Variants in FRAS1 observed in about 807,000 individuals in gnomAD.
The protein encoded by FRAS1 is Fraser extracellular matrix complex subunit 1.
In FRAS1, 290 loss-of-function variants were observed where a neutral mutation model predicts 435.2. The ratio of observed to expected loss-of-function variants is 0.67; its 90% CI spans 0.61 to 0.73. The LOEUF (loss-of-function observed/expected upper bound fraction) is 0.73. Ranked by LOEUF, FRAS1 falls within the 30% of genes least tolerant of loss-of-function variation. FRAS1 has a pLI of 0.00. For missense variants in FRAS1, 4,860 were observed against 5,001.5 expected (o/e 0.97, Z 0.85); for synonymous variants, 1,800 against 1,851.0 (o/e 0.97, Z 0.71).
intron 2 of FRAS1, among the ~76,000 whole-genome samples, chr4:78,200,364 A>T (rs1722998592): frequency 6.6e-6 from 1 of 152,224 alleles, no homozygotes; most frequent in African/African-American, 2.4e-5. Context: ...TAACACATGC[A>T]TGATATGGAG....
At chr4:78,380,122 A>C in intron 27 of FRAS1, 126 bp downstream of exon 27, 1 of 1,016,432 alleles carries the variant, frequency 9.8e-7, no homozygotes. Flanking sequence ...TCAATACTCC[A>C]CAAGCCCAAA....
At chr4:78,245,702 G>T (rs1296557445) in intron 4 of FRAS1, among the ~76,000 whole-genome samples, 1 of 152,134 alleles carries the variant, frequency 6.6e-6, no homozygotes, top group African/African-American at 2.4e-5. Flanking sequence ...AAATTTAATT[G>T]CAAAGAGCTT....
chr4:78,129,231 G>A (rs944377436), intron 2 of FRAS1, among the ~76,000 whole-genome samples: 4 of 152,114 alleles, frequency 2.6e-5, no homozygotes, highest in South Asian at 4.1e-4. Context: ...TTGACTTGGC[G>A]ATGTGGGCTC....
intron 30 of FRAS1, among the ~76,000 whole-genome samples, chr4:78,405,960 A>G (rs2110351019): frequency 6.6e-6 from 1 of 152,360 alleles, no homozygotes; most frequent in South Asian, 2.1e-4. Context: ...AGAAGATAGT[A>G]GGTGAAGGTC....
At chr4:78,084,250 A>G (rs549292392) in intron 2 of FRAS1, among the ~76,000 whole-genome samples, 1 of 152,236 alleles carries the variant, frequency 6.6e-6, no homozygotes, top group East Asian at 1.9e-4. Flanking sequence ...ATTCTATTTT[A>G]CTATGAGTTA....
intron 2 of FRAS1, among the ~76,000 whole-genome samples, chr4:78,116,107 C>G (rs1743152722): frequency 6.6e-6 from 1 of 152,158 alleles, no homozygotes; most frequent in Non-Finnish European, 1.5e-5. Flanking sequence ...CATTCAGGAG[C>G]AGGTTATTCA....
At chr4:78,380,770 G>T (rs116272397) in intron 27 of FRAS1, among the ~76,000 whole-genome samples, 16 of 152,328 alleles carry the variant, frequency 1.1e-4, no homozygotes, top group Non-Finnish European at 1.8e-4. Flanking sequence ...GACACAGTGA[G>T]TATTTTTACT....
chr4:78,478,719 T>G (rs1719924554), intron 55 of FRAS1, among the ~76,000 whole-genome samples: 1 of 152,334 alleles, frequency 6.6e-6, no homozygotes, highest in South Asian at 2.1e-4. Context: ...ATGATGATTT[T>G]GGGTTTCTTT....
At chr4:78,276,691 G>A (rs1727058245) in intron 9 of FRAS1, among the ~76,000 whole-genome samples, 1 of 152,164 alleles carries the variant, frequency 6.6e-6, no homozygotes, top group South Asian at 2.1e-4. Flanking sequence ...GTCTCAGAGG[G>A]GCACCCGGCC....
intron 2 of FRAS1, among the ~76,000 whole-genome samples, chr4:78,134,055 G>GT (rs1287695030): frequency 2.6e-5 from 4 of 151,486 alleles, no homozygotes; most frequent in Non-Finnish European, 4.4e-5. Context: ...CACCTCCCGG[G>GT]TCATGCCATT....
In FRAS1 at chr4:78,540,860, T is replaced by C; in HGVS notation, c.11775T>C (p.Phe3925=). The C allele has an allele frequency of 6.2e-7, 1 of 1,613,982 alleles. No homozygotes were observed. The highest frequency in any genetic ancestry group is 8.5e-7 in the Non-Finnish European group (1 of 1,179,898). The part of the protein sequence containing the change: ...LLLLVFLVAC[F]INRKCQKQRK... ...TTCTGGTGTTTTTGGTGGCTTGTTT[T>C]ATCAACAGGAAATGCCAGAAACAGA... Residue 3925 remains phenylalanine (F), a synonymous_variant, in exon 74 of 74, where the codon TTT becomes TTC. Transcript: ENST00000512123.
At chr4:78,296,210 A>G (rs1012066188) in intron 14 of FRAS1, among the ~76,000 whole-genome samples, 4 of 151,350 alleles carry the variant, frequency 2.6e-5, no homozygotes, top group East Asian at 1.9e-4. Context: ...TTTGGTTTGC[A>G]TATCTCCAGC....
intron 5 of FRAS1, among the ~76,000 whole-genome samples, chr4:78,254,692 A>G (rs1166803296): frequency 6.6e-6 from 1 of 152,214 alleles, no homozygotes; most frequent in Non-Finnish European, 1.5e-5. Context: ...GGCCAACAAC[A>G]TAATTTGCAA....
At chr4:78,074,071 C>T (rs1740505904) in intron 2 of FRAS1, among the ~76,000 whole-genome samples, 3 of 147,774 alleles carry the variant, frequency 2.0e-5, no homozygotes, top group Non-Finnish European at 4.4e-5. Context: ...GAGTTTGGGT[C>T]GTGACCTGTG....
At chr4:78,423,899 G>A (rs928646915) in intron 34 of FRAS1, among the ~76,000 whole-genome samples, 5 of 152,162 alleles carry the variant, frequency 3.3e-5, no homozygotes, top group Admixed American at 6.5e-5. Flanking sequence ...AAACTCGCCC[G>A]AGTTCCTAGA....
At chr4:78,219,799 G>GT (rs1318688355) in intron 2 of FRAS1, among the ~76,000 whole-genome samples, 2 of 152,182 alleles carry the variant, frequency 1.3e-5, no homozygotes, top group East Asian at 1.9e-4. Flanking sequence ...TTTCATGAAG[G>GT]TTTTTTTCAT....
At chr4:78,489,963 G>GAAAAAAAA (rs1553891063) in intron 59 of FRAS1, among the ~76,000 whole-genome samples, 15 of 6,032 alleles carry the variant, frequency 2.5e-3, no homozygotes, top group East Asian at 9.3e-3. Context: ...AAAGCTAGTG[G>GAAAAAAAA]AAAACAAAAA....
intron 20 of FRAS1, among the ~76,000 whole-genome samples, chr4:78,363,122 C>T (rs2100484): frequency 0.47 from 71,994 of 151,908 alleles, 18,017 homozygotes; most frequent in Non-Finnish European, 0.56. Context: ...CCTCTATTAC[C>T]GTGAAGGGGT....
chr4:78,299,250 C>A (rs1728279363), intron 14 of FRAS1, among the ~76,000 whole-genome samples: 1 of 152,128 alleles, frequency 6.6e-6, no homozygotes. Flanking sequence ...GCCTGAATGC[C>A]ATCCCTAAGT....
Sources: gnomAD v4.1 joint callset for allele counts (sites outside exome capture counted in the v4.1 genomes callset) on GRCh38, gnomAD v4.1.1 for gene constraint, MANE v1.5 for transcripts, NCBI Gene and HGNC (gene_info 2026-07-23, HGNC 2026-07-21) for gene names.